PATJ: variants seen among roughly 807,000 people sequenced by gnomAD.
The protein encoded by PATJ is inaD-like protein.
A neutral mutation model predicts 224.9 loss-of-function variants in PATJ; 190 were observed. That is an observed-to-expected ratio of 0.84 (90% confidence interval 0.75 to 0.95). The LOEUF (loss-of-function observed/expected upper bound fraction) is 0.95, where lower values mean the gene tolerates loss of function less well. Among genes scored for constraint, PATJ ranks in the 40% least tolerant of loss-of-function variants. The pLI is 0.00. For missense variants in PATJ, 2,121 were observed against 2,270.3 expected (o/e 0.93, Z 1.34); for synonymous variants, 769 against 820.3 (o/e 0.94, Z 1.07).
intron 21 of PATJ, among the ~76,000 whole-genome samples, chr1:61,882,824 C>T (rs1668288688): frequency 6.6e-6 from 1 of 152,192 alleles, no homozygotes; most frequent in Non-Finnish European, 1.5e-5. Flanking sequence ...CCTCAGTCTC[C>T]CAGAGTGCTG....
rs1219535225 is a variant in PATJ, at chr1:61,766,339, G to C, written c.250G>C (p.Val84Leu). The C allele has an allele frequency of 6.2e-7, 1 of 1,611,582 alleles. No individual in the cohort carries two copies. The highest frequency in any genetic ancestry group is 1.7e-5 in the Admixed American group (1 of 59,724). The change falls in exon 4 of 44, where the codon GTG (valine) becomes CTG (leucine). Residue 84 changes from valine (V) to leucine (L), a missense_variant. By Grantham distance (32) the Val-to-Leu change is conservative. Transcript: ENST00000642238. ...NFDFSRKGLL[V>L]FTDGSITNGN... The stretch of plus-strand genomic sequence containing the variant: ...TGATTTTTCTAGGAAAGGTTTGTTA[G>C]TGTTCACAGATGGTTCCATCACTAA...
At chr1:61,994,135 C>T (rs115624788) in intron 28 of PATJ, among the ~76,000 whole-genome samples, 3,653 of 152,258 alleles carry the variant, frequency 0.024, 91 homozygotes, top group African/African-American at 0.056. Context: ...TTCTTTAAGC[C>T]TCAGCTACCT....
intron 27 of PATJ, among the ~76,000 whole-genome samples, chr1:61,957,561 C>T (rs1185767294): frequency 6.6e-6 from 1 of 151,962 alleles, no homozygotes; most frequent in Non-Finnish European, 1.5e-5. Context: ...TGCATTGCAC[C>T]ATGTTCAGGG....
At chr1:61,923,149 CACCT>C (rs970366628) in intron 26 of PATJ, among the ~76,000 whole-genome samples, 6 of 152,214 alleles carry the variant, frequency 3.9e-5, no homozygotes, top group African/African-American at 1.4e-4. Context: ...CAAAGAAAAA[CACCT>C]AGCCACTGCG....
intron 29 of PATJ, among the ~76,000 whole-genome samples, chr1:62,033,874 G>A (rs912497768): frequency 6.6e-6 from 1 of 152,148 alleles, no homozygotes; most frequent in African/African-American, 2.4e-5. Context: ...ACAAGCTGGA[G>A]ATACGAAGTA....
Position 62,162,351 on chromosome 1 carries a change from A to G in PATJ, c.*1297A>G, listed in dbSNP as rs1335819378. 6.6e-6 allele frequency: 1 copy of G among 152,220 alleles called. No individual in the cohort carries two copies. The highest frequency in any genetic ancestry group is 1.5e-5 in the Non-Finnish European group (1 of 68,058). The allele number at this position is 152,220 out of a possible 1,614,324, so 9.4% of individuals were successfully genotyped here. ...TGCAAAGTGGGTGACATATTTGATT[A>G]TATTTCCCTTTACCTCCATAGTAGT... On this transcript the variant is annotated 3_prime_UTR_variant, in exon 44 of 44. Transcript: ENST00000642238.
At chr1:62,067,123 C>CTTTTTTTTTTTTTTTTTTT (rs11381578) in intron 31 of PATJ, among the ~76,000 whole-genome samples, 77 of 116,444 alleles carry the variant, frequency 6.6e-4, no homozygotes, top group Non-Finnish European at 8.6e-4. Flanking sequence ...CCTATTCTTT[C>CTTTTTTTTTTTTTTTTTTT]TTTTTTTTTT....
At chr1:61,843,610 C>A (rs933455132) in intron 17 of PATJ, among the ~76,000 whole-genome samples, 1 of 151,734 alleles carries the variant, frequency 6.6e-6, no homozygotes, top group Non-Finnish European at 1.5e-5. Flanking sequence ...GTGGCGTGCA[C>A]CTGTAGTCCC....
intron 21 of PATJ, among the ~76,000 whole-genome samples, chr1:61,876,778 A>G (rs1456557862): frequency 2.0e-5 from 3 of 152,176 alleles, no homozygotes; most frequent in Non-Finnish European, 4.4e-5. Context: ...GCAATCTTAG[A>G]TTTATCTGCA....
chr1:61,818,197 A>G (rs1460652632), intron 14 of PATJ, among the ~76,000 whole-genome samples: 1 of 152,182 alleles, frequency 6.6e-6, no homozygotes, highest in Non-Finnish European at 1.5e-5. Flanking sequence ...ATCTCATTTG[A>G]TCTTCATTTT....
At chr1:61,806,773 A>G (rs1254216304) in intron 13 of PATJ, among the ~76,000 whole-genome samples, 1 of 150,368 alleles carries the variant, frequency 6.7e-6, no homozygotes, top group Admixed American at 6.6e-5. Flanking sequence ...TTTCCTACTT[A>G]TCTTAGTGGT....
intron 7 of PATJ, among the ~76,000 whole-genome samples, chr1:61,776,618 T>C (rs547224629): frequency 6.6e-6 from 1 of 152,258 alleles, no homozygotes; most frequent in South Asian, 2.1e-4. Flanking sequence ...TGATGGCATT[T>C]AGTACATGTC....
chr1:62,038,937 TG>T, intron 30 of PATJ: 1 of 1,228,302 alleles, frequency 8.1e-7, no homozygotes, highest in Non-Finnish European at 1.2e-6. Flanking sequence ...TGGGTTGCCA[TG>T]GGACCCTGTC....
intron 15 of PATJ, among the ~76,000 whole-genome samples, chr1:61,823,928 G>C (rs1480576708): frequency 6.6e-6 from 1 of 152,162 alleles, no homozygotes; most frequent in Non-Finnish European, 1.5e-5. Flanking sequence ...TCTGTCATAA[G>C]CATGGGAGGG....
chr1:61,979,003 T>C (rs1289914281), intron 27 of PATJ, among the ~76,000 whole-genome samples: 2 of 152,060 alleles, frequency 1.3e-5, no homozygotes, highest in African/African-American at 2.4e-5. Context: ...GAAAAAGGCA[T>C]TGATGCTTTG....
At chr1:61,909,358 G>T (rs1672290199) in intron 25 of PATJ, among the ~76,000 whole-genome samples, 1 of 152,242 alleles carries the variant, frequency 6.6e-6, no homozygotes, top group East Asian at 1.9e-4. Context: ...GGCAGGATGT[G>T]GATTTTATAC....
intron 28 of PATJ, chr1:61,991,537 A>G (rs981602066): frequency 4.1e-6 from 4 of 985,304 alleles, no homozygotes; most frequent in Non-Finnish European, 4.8e-6. Flanking sequence ...CCTAATAATA[A>G]CTACTGCCAC....
At chr1:62,073,281 A>G (rs1259630328) in intron 31 of PATJ, 6 of 985,182 alleles carry the variant, frequency 6.1e-6, no homozygotes, top group Non-Finnish European at 7.2e-6. Context: ...GTTGATGCAA[A>G]TATCTTGTGT....
chr1:61,815,313 C>G (rs12135784), intron 14 of PATJ, among the ~76,000 whole-genome samples: 75,263 of 151,926 alleles, frequency 0.5, 18,836 homozygotes, highest in Middle Eastern at 0.61. Context: ...AATGATGCTG[C>G]AGAGGAAGAC....
Sources: allele counts gnomAD v4.1 joint callset (sites outside exome capture counted in the v4.1 genomes callset), GRCh38; gene constraint gnomAD v4.1.1; transcripts MANE v1.5; gene names NCBI Gene and HGNC (gene_info 2026-07-23, HGNC 2026-07-21).